Variants in SIPA1L3 observed in about 807,000 individuals in gnomAD.
SIPA1L3 encodes signal-induced proliferation-associated 1-like protein 3.
Under a neutral mutation model 150.1 loss-of-function variants are expected in SIPA1L3, and 59 were observed. The observed-to-expected ratio is 0.39, with a 90% confidence interval of 0.32 to 0.49. The LOEUF is 0.49. SIPA1L3 is among the 20% of genes least tolerant of loss of function. The pLI is 0.86. For missense variants in SIPA1L3, 2,211 were observed against 2,489.5 expected, an observed-to-expected ratio of 0.89 and a Z score of 2.38; for synonymous variants, 1,070 against 1,077.6, an observed-to-expected ratio of 0.99 and a Z score of 0.14.
intron 2 of SIPA1L3, among the ~76,000 whole-genome samples, chr19:38,054,819 G>A (rs1472198022): frequency 6.6e-6 from 1 of 152,168 alleles, no homozygotes; most frequent in African/African-American, 2.4e-5. Flanking sequence ...GGCATCACAC[G>A]ACCTTCCTGG....
intron 5 of SIPA1L3, 125 bp from the exon 6 acceptor site, chr19:38,100,927 T>A (rs954828444): frequency 9.1e-7 from 1 of 1,102,688 alleles, no homozygotes; most frequent in Non-Finnish European, 1.2e-6. Flanking sequence ...TGTCTGGCTA[T>A]GGCTCTGGGT....
chr19:37,911,091 A>C (rs1457438320), intron 1 of SIPA1L3, among the ~76,000 whole-genome samples: 2 of 152,214 alleles, frequency 1.3e-5, no homozygotes, highest in Admixed American at 6.5e-5. Context: ...CGCCAGAGAT[A>C]ACCATTTATT....
At chr19:38,057,805 C>T (rs993873695) in intron 2 of SIPA1L3, among the ~76,000 whole-genome samples, 1 of 151,438 alleles carries the variant, frequency 6.6e-6, no homozygotes, top group Non-Finnish European at 1.5e-5. Context: ...CACCACCACA[C>T]CTGGCTAATT....
intron 9 of SIPA1L3, among the ~76,000 whole-genome samples, chr19:38,121,606 G>T (rs1343659319): frequency 2.6e-5 from 4 of 151,974 alleles, no homozygotes; most frequent in Non-Finnish European, 5.9e-5. Flanking sequence ...AGGCATGGTG[G>T]CGGGTGCCTG....
intron 2 of SIPA1L3, among the ~76,000 whole-genome samples, chr19:38,066,369 G>A (rs548837502): frequency 5.1e-4 from 77 of 152,142 alleles, no homozygotes; most frequent in Admixed American, 3.6e-3. Flanking sequence ...AGAGGCACCC[G>A]GATTCACTTA....
At chr19:37,976,968 G>A (rs956887248) in intron 1 of SIPA1L3, among the ~76,000 whole-genome samples, 6 of 151,976 alleles carry the variant, frequency 3.9e-5, no homozygotes, top group Admixed American at 6.6e-5. Context: ...CTGAGTAGCT[G>A]GGACTATAGG....
chr19:38,073,402 G>A (rs1013990343), intron 2 of SIPA1L3, among the ~76,000 whole-genome samples: 4 of 152,318 alleles, frequency 2.6e-5, no homozygotes, highest in African/African-American at 4.8e-5. Flanking sequence ...TGTCTTCACC[G>A]TGCAAAGCAC....
chr19:38,111,294 A>C (rs1970734927), intron 8 of SIPA1L3, among the ~76,000 whole-genome samples: 1 of 152,034 alleles, frequency 6.6e-6, no homozygotes, highest in African/African-American at 2.4e-5. Flanking sequence ...AGCCTCCCAA[A>C]GTGCTGGGAT....
chr19:38,002,754 A>G (rs1967839935), intron 1 of SIPA1L3, among the ~76,000 whole-genome samples: 2 of 147,130 alleles, frequency 1.4e-5, no homozygotes, highest in South Asian at 2.1e-4. Context: ...ATTTATATGT[A>G]TATATATATA....
chr19:38,157,231 G>A (rs1971969387), intron 13 of SIPA1L3, among the ~76,000 whole-genome samples: 1 of 152,188 alleles, frequency 6.6e-6, no homozygotes, highest in Admixed American at 6.6e-5. Context: ...CAGATGTGGG[G>A]GTTTGCCCAG....
At chr19:38,095,831 A>AC (rs2145849433) in intron 4 of SIPA1L3, among the ~76,000 whole-genome samples, 1 of 151,992 alleles carries the variant, frequency 6.6e-6, no homozygotes, top group Admixed American at 6.6e-5. Flanking sequence ...ACTGTAAGTC[A>AC]CCCGTCTCCA....
At chr19:38,117,264 C>T (rs924950891) in intron 8 of SIPA1L3, among the ~76,000 whole-genome samples, 8 of 152,288 alleles carry the variant, frequency 5.3e-5, no homozygotes, top group South Asian at 2.1e-4. Flanking sequence ...GGCTGCTCGC[C>T]GGGCTCTTCA....
chr19:38,084,253 CAGA>C (rs1970072934), intron 3 of SIPA1L3, among the ~76,000 whole-genome samples: 1 of 152,146 alleles, frequency 6.6e-6, no homozygotes, highest in African/African-American at 2.4e-5. Context: ...GACAAAAAGG[CAGA>C]CCTCTTGTCA....
intron 2 of SIPA1L3, among the ~76,000 whole-genome samples, chr19:38,073,815 C>A (rs1286974865): frequency 6.6e-6 from 1 of 152,212 alleles, no homozygotes; most frequent in Admixed American, 6.5e-5. Flanking sequence ...CTCTTAGAAA[C>A]CTCGCACGGA....
intron 1 of SIPA1L3, among the ~76,000 whole-genome samples, chr19:37,915,667 C>T (rs2046409194): frequency 6.6e-6 from 1 of 152,110 alleles, no homozygotes. Flanking sequence ...CAGATGTGAG[C>T]CATGCACCCA....
intron 1 of SIPA1L3, among the ~76,000 whole-genome samples, chr19:37,955,603 T>C (rs1441476146): frequency 6.6e-6 from 1 of 152,196 alleles, no homozygotes; most frequent in Non-Finnish European, 1.5e-5. Context: ...CCTGAACATT[T>C]CAAATACATG....
rs138693571 is a variant in SIPA1L3, at chr19:38,164,749, G to A, written c.4051G>A (p.Ala1351Thr). ...CCTTTGTGGCGGGGGTCGCGAGGCC[G>A]CTGGGAGGTCCCACCACGCAGACAG... The part of the protein sequence containing the change: ...MGLCGGGREA[A>T]GRSHHADRRR... The change falls in exon 15 of 22, where the codon GCT (alanine) becomes ACT (threonine). Residue 1351 changes from alanine (A) to threonine (T), a missense_variant. Physicochemically the swap from Ala to Thr is moderately conservative, Grantham distance 58 (BLOSUM62 0). Coordinates refer to ENST00000222345, the MANE Select transcript of SIPA1L3 (RefSeq NM_015073.3). The surrounding 1 kb of genome is among the most constrained non-coding windows in gnomAD (Gnocchi z 4.1). The A allele has an allele frequency of 2.2e-4, 348 of 1,612,586 alleles. No homozygotes were observed. The African/African-American group carries it at 3.1e-3, about 14-fold the overall frequency.
rs1212588125 is a variant in SIPA1L3, at chr19:38,164,699, C to A, written c.4001C>A (p.Pro1334Gln). The change falls in exon 15 of 22, where the codon CCA becomes CAA. Residue 1334 changes from proline (P) to glutamine (Q), a missense_variant. Pro to Gln is a moderately conservative substitution (Grantham distance 76, BLOSUM62 -1). Around this residue, in one of 5 missense-constraint regions of SIPA1L3, gnomAD observed 806 missense variants for 870.1 expected, o/e 0.93. Coordinates refer to ENST00000222345, the MANE Select transcript of SIPA1L3 (RefSeq NM_015073.3). This position sits in a 1 kb window ranked among gnomAD's most constrained non-coding sequence, Gnocchi z 4.1. ...GCCAAGGCTCCACGGCCCGCCAAGCCACACAAGCCCCCTGGAAGTATGGGC... is the reference window on the plus strand; with the variant it reads ...GCCAAGGCTCCACGGCCCGCCAAGCAACACAAGCCCCCTGGAAGTATGGGC... ...SLAKAPRPAKPHKPPGSMGLC... is the reference protein window; with the variant it reads ...SLAKAPRPAKQHKPPGSMGLC... 3.1e-6 allele frequency: 5 copies of A among 1,614,034 alleles called. No individual in the cohort carries two copies. Among genetic ancestry groups the A allele is most frequent in the Non-Finnish European group, 4.2e-6 (5 of 1,180,018 alleles).
intron 1 of SIPA1L3, among the ~76,000 whole-genome samples, chr19:38,008,189 G>A (rs1477940469): frequency 1.3e-5 from 2 of 149,438 alleles, no homozygotes; most frequent in African/African-American, 4.9e-5. Flanking sequence ...TTCTGACTGG[G>A]GAAGAGGTGA....
Sources: gnomAD v4.1 joint callset for allele counts (sites outside exome capture counted in the v4.1 genomes callset) on GRCh38, gnomAD v4.1.1 for gene constraint, gnomAD v4.1.1 regional missense constraint, Gnocchi (gnomAD v3.1) non-coding constraint, MANE v1.5 for transcripts, NCBI Gene and HGNC (gene_info 2026-07-23, HGNC 2026-07-21) for gene names.